The following PHACTR1 variants were observed in gnomAD, a reference collection of about 807,000 sequenced individuals.
PHACTR1 encodes the protein phosphatase and actin regulator 1.
A neutral mutation model predicts 69.2 loss-of-function variants in PHACTR1; 16 were observed. The ratio of observed to expected loss-of-function variants is 0.23; its 90% confidence interval spans 0.16 to 0.35. The LOEUF (loss-of-function observed/expected upper bound fraction) is 0.35. Among genes scored for constraint, PHACTR1 ranks in the 10% least tolerant of loss-of-function variants. PHACTR1 has a pLI of 1.00. For synonymous variants in PHACTR1, 312 were observed against 284.5 expected, an observed-to-expected ratio of 1.10 and a Z score of -0.97; for missense variants, 510 against 734.7, an observed-to-expected ratio of 0.69 and a Z score of 3.54.
At chr6:12,721,315 C>T (rs181843897) in intron 3 of PHACTR1, among the ~76,000 whole-genome samples, 122 of 151,698 alleles carry the variant, frequency 8.0e-4, no homozygotes, top group African/African-American at 2.6e-3. Flanking sequence ...ACCTGGGAGG[C>T]GGAGGTTGCA....
chr6:13,228,678 T>C (rs1770239644), intron 9 of PHACTR1, among the ~76,000 whole-genome samples: 1 of 152,240 alleles, frequency 6.6e-6, no homozygotes, highest in Non-Finnish European at 1.5e-5. Context: ...ATTGAACATG[T>C]ACTGTGTGCC....
chr6:13,088,616 T>C (rs1399176175), intron 5 of PHACTR1, among the ~76,000 whole-genome samples: 1 of 152,338 alleles, frequency 6.6e-6, no homozygotes, highest in East Asian at 1.9e-4. Flanking sequence ...TCCCAACAGC[T>C]GCTCTCCAGA....
At chr6:12,979,379 G>T (rs1480025346) in intron 4 of PHACTR1, among the ~76,000 whole-genome samples, 1 of 152,204 alleles carries the variant, frequency 6.6e-6, no homozygotes, top group Non-Finnish European at 1.5e-5. Flanking sequence ...AAGGATGCAA[G>T]TCAGCCAGCA....
chr6:12,970,661 C>T (rs970544857), intron 4 of PHACTR1, among the ~76,000 whole-genome samples: 1 of 152,218 alleles, frequency 6.6e-6, no homozygotes, highest in African/African-American at 2.4e-5. Context: ...AAGGCTGAGG[C>T]ACGAGCATCG....
chr6:12,819,043 CTCAG>C (rs1238591300), intron 4 of PHACTR1, among the ~76,000 whole-genome samples: 2 of 152,212 alleles, frequency 1.3e-5, no homozygotes, highest in African/African-American at 2.4e-5. Flanking sequence ...TTTGCAACTT[CTCAG>C]TCAAAGCATT....
In PHACTR1 at chr6:12,778,753, G is replaced by A. The variant is rs9463107; in HGVS notation, c.250+28963G>A. On this transcript the variant is annotated intron_variant, in intron 4 of 14. Transcript: ENST00000332995. ...TATTATGAACCTGTACTATATGAAAGAGTAGTCTCTATATAATAGCACAAA... is the reference window on the plus strand; with the variant it reads ...TATTATGAACCTGTACTATATGAAAAAGTAGTCTCTATATAATAGCACAAA... 5.0e-3 allele frequency among the ~76,000 whole-genome samples: 756 copies of A among 152,318 alleles called. 9 individuals carry two copies. The highest frequency in any genetic ancestry group is 0.017 in the African/African-American group (723 of 41,564).
At chr6:13,274,912 T>C (rs928292079) in intron 11 of PHACTR1, 16 of 152,250 alleles carry the variant, frequency 1.1e-4, no homozygotes, top group Admixed American at 9.8e-4. Context: ...TTTCATAGTT[T>C]TGAAACTTTT....
chr6:13,115,152 C>T (rs775238260), intron 5 of PHACTR1, among the ~76,000 whole-genome samples: 6 of 152,198 alleles, frequency 3.9e-5, no homozygotes, highest in South Asian at 2.1e-4. Flanking sequence ...GAGATCCTAA[C>T]GTAGGTTTGT....
chr6:13,179,701 G>GAGAT lies in PHACTR1; in HGVS notation c.497-2774_497-2771dup, dbSNP rs4053020. Among the ~76,000 whole-genome samples, 836 of 148,402 alleles carry GAGAT rather than the reference G, an allele frequency of 5.6e-3. 6 individuals are homozygous for GAGAT. The highest frequency in any genetic ancestry group is 0.017 in the Middle Eastern group (5 of 290). ...AGGTAGGTAGATAGATAAGTAGATA[G>GAGAT]AGATAGATAGATAGATAGATAGATA... On this transcript the variant is annotated intron_variant, in intron 6 of 14. Coordinates refer to ENST00000332995, the MANE Select transcript of PHACTR1 (RefSeq NM_030948.6). The surrounding 1 kb of genome is among the most constrained non-coding windows in gnomAD (Gnocchi z 4.2).
At chr6:13,190,980 T>C (rs1150602) in intron 7 of PHACTR1, among the ~76,000 whole-genome samples, 29,065 of 132,792 alleles carry the variant, frequency 0.22, 1,829 homozygotes, top group South Asian at 0.27. Flanking sequence ...TGGTTATAGC[T>C]ATCTCTCTAG....
chr6:12,973,988 C>T (rs1395963679), intron 4 of PHACTR1, among the ~76,000 whole-genome samples: 1 of 131,132 alleles, frequency 7.6e-6, no homozygotes, highest in Non-Finnish European at 1.5e-5. Context: ...GTGGCACGAT[C>T]TCAGCTCGCT....
chr6:13,131,206 C>T (rs865827244), intron 5 of PHACTR1, among the ~76,000 whole-genome samples: 1 of 24,494 alleles, frequency 4.1e-5, no homozygotes, highest in Non-Finnish European at 9.8e-5. Flanking sequence ...TATATATACA[C>T]ATACACACAC....
intron 4 of PHACTR1, among the ~76,000 whole-genome samples, chr6:12,751,001 C>T (rs1296374209): frequency 6.6e-6 from 1 of 151,462 alleles, no homozygotes. Flanking sequence ...TGTGCGCGTG[C>T]GTGCGCGTGC....
chr6:12,944,540 T>C (rs1236382353), intron 4 of PHACTR1, among the ~76,000 whole-genome samples: 1 of 152,228 alleles, frequency 6.6e-6, no homozygotes, highest in Non-Finnish European at 1.5e-5. Context: ...TTCCTTATTC[T>C]GACTTTACTG....
At chr6:12,724,708 C>A in intron 3 of PHACTR1, among the ~76,000 whole-genome samples, 1 of 152,292 alleles carries the variant, frequency 6.6e-6, no homozygotes, top group East Asian at 1.9e-4. Flanking sequence ...AGCTGTGGCT[C>A]AGAGTCATTC....
At chr6:13,217,310 A>T (rs930663458) in intron 8 of PHACTR1, among the ~76,000 whole-genome samples, 1 of 152,200 alleles carries the variant, frequency 6.6e-6, no homozygotes, top group Admixed American at 6.5e-5. Context: ...AGACAAGGTT[A>T]GCAATGGCCC....
chr6:13,013,430 GC>G (rs1237521060), intron 4 of PHACTR1, among the ~76,000 whole-genome samples: 3 of 152,228 alleles, frequency 2.0e-5, no homozygotes, highest in African/African-American at 7.2e-5. Context: ...CCAGTGCAGC[GC>G]TTTCCGTGTG....
chr6:12,961,270 A>C (rs1037527189), intron 4 of PHACTR1, among the ~76,000 whole-genome samples: 1 of 152,256 alleles, frequency 6.6e-6, no homozygotes, highest in Non-Finnish European at 1.5e-5. Context: ...AACAGAATAC[A>C]GAAAGATGAG....
chr6:12,909,475 T>A (rs1786117050), intron 4 of PHACTR1, among the ~76,000 whole-genome samples: 1 of 152,250 alleles, frequency 6.6e-6, no homozygotes, highest in Admixed American at 6.5e-5. Flanking sequence ...GTTTTAAATT[T>A]ATTTTTGTAA....
Sources: gnomAD v4.1 joint callset for allele counts (sites outside exome capture counted in the v4.1 genomes callset) on GRCh38, gnomAD v4.1.1 for gene constraint, Gnocchi (gnomAD v3.1) non-coding constraint, MANE v1.5 for transcripts, NCBI Gene and HGNC (gene_info 2026-07-23, HGNC 2026-07-21) for gene names.